Variants in NRXN2 observed in about 807,000 individuals in gnomAD.
NRXN2 encodes the protein neurexin-2-beta.
A neutral mutation model predicts 128.8 loss-of-function variants in NRXN2; 29 were observed. That is an observed-to-expected ratio of 0.23 (90% CI 0.17 to 0.31). The LOEUF (loss-of-function observed/expected upper bound fraction) is 0.31. Ranked by LOEUF, NRXN2 falls within the 10% of genes least tolerant of loss-of-function variation. The probability of loss-of-function intolerance (pLI) is 1.00; values close to 1 mark genes in which losing one functional copy is unlikely to be tolerated. For synonymous variants in NRXN2, 1,098 were observed against 1,075.2 expected, an observed-to-expected ratio of 1.02 and a Z score of -0.41; for missense variants, 1,881 against 2,452.6, an observed-to-expected ratio of 0.77 and a Z score of 4.92.
At chr11:64,664,059 T>A (rs1418411899) in intron 9 of NRXN2, among the ~76,000 whole-genome samples, 1 of 152,224 alleles carries the variant, frequency 6.6e-6, no homozygotes, top group Non-Finnish European at 1.5e-5. Flanking sequence ...AGGGAGTTAG[T>A]GTTTAATGGG....
chr11:64,610,347 G>A (rs571533409), intron 22 of NRXN2, among the ~76,000 whole-genome samples: 2 of 152,290 alleles, frequency 1.3e-5, no homozygotes, highest in Admixed American at 1.3e-4. Context: ...GGATAAGAAT[G>A]CTGAGGCCTG....
At chr11:64,698,812 T>C (rs1249005011) in intron 2 of NRXN2, among the ~76,000 whole-genome samples, 1 of 152,228 alleles carries the variant, frequency 6.6e-6, no homozygotes, top group Non-Finnish European at 1.5e-5. Flanking sequence ...CTCAAGCAGG[T>C]TGGGCTCTGA....
At chr11:64,693,662 T>C (rs1353851194) in intron 3 of NRXN2, among the ~76,000 whole-genome samples, 1 of 152,132 alleles carries the variant, frequency 6.6e-6, no homozygotes, top group Non-Finnish European at 1.5e-5. Context: ...GTAGGGACCC[T>C]GCACACCTGG....
Position 64,713,314 on chromosome 11 carries a change from T to C in NRXN2, c.386A>G (p.Asp129Gly), listed in dbSNP as rs2057127456. 2.2e-6 allele frequency: 3 copies of C among 1,362,050 alleles called. No individual in the cohort carries two copies. The highest frequency in any genetic ancestry group is 3.1e-5 in the East Asian group (1 of 31,944). 84.4% of individuals were successfully genotyped at this position (1,362,050 alleles called of 1,614,324 possible). ...RDARRTALAV[D>G]GEARAAEVRS... Reference sequence around the variant, plus strand: ...CACCTCGGCGGCGCGGGCCTCGCCGTCCACCGCCAGCGCCGTGCGGCGCGC... The same window carrying C: ...CACCTCGGCGGCGCGGGCCTCGCCGCCCACCGCCAGCGCCGTGCGGCGCGC... The change falls in exon 2 of 23, where the codon GAC (aspartate) becomes GGC (glycine). Residue 129 changes from aspartate to glycine, a missense_variant. Physicochemically the swap from Asp to Gly is moderately conservative, Grantham distance 94. Around this residue, in one of 7 missense-constraint regions of NRXN2, gnomAD observed 997 missense variants for 1,240.8 expected, o/e 0.80. Transcript: ENST00000265459.
intron 17 of NRXN2, among the ~76,000 whole-genome samples, chr11:64,642,069 G>T (rs757222955): frequency 6.6e-5 from 10 of 152,016 alleles, no homozygotes; most frequent in Non-Finnish European, 1.3e-4. Flanking sequence ...TGGGAGAGAG[G>T]TGAAGGGGGA....
chr11:64,660,970 G>A lies in NRXN2; in HGVS notation c.1968C>T (p.Gly656=). 1.9e-6 allele frequency: 3 copies of A among 1,613,890 alleles called. No individual in the cohort carries two copies. The highest frequency in any genetic ancestry group is 2.5e-6 in the Non-Finnish European group (3 of 1,180,004). ...CATCTATGAAGAGGTCCCGCACACA[G>A]CCCACGTAGCCTGCCCGGAGTGCTG... The part of the protein sequence containing the change: ...WTAALRAGYV[G]CVRDLFIDGR... Residue 656 remains glycine (G), a synonymous_variant, in exon 10 of 23, where the codon GGC becomes GGT. Coordinates refer to ENST00000265459, the MANE Select transcript of NRXN2 (RefSeq NM_015080.4). This position sits in a 1 kb window ranked among gnomAD's most constrained non-coding sequence, Gnocchi z 5.2.
intron 7 of NRXN2, among the ~76,000 whole-genome samples, chr11:64,669,853 T>G (rs2050389439): frequency 6.6e-6 from 1 of 152,154 alleles, no homozygotes; most frequent in Admixed American, 6.5e-5. Flanking sequence ...TGGCTCAGGG[T>G]TAGCCCAACA....
chr11:64,649,029 G>A, intron 15 of NRXN2, 122 bp from the exon 16 acceptor site: 1 of 999,790 alleles, frequency 1.0e-6, no homozygotes, highest in Non-Finnish European at 1.5e-6. Flanking sequence ...CAGATTCCAG[G>A]TCCCTAACAG....
chr11:64,720,830 A>G (rs948860821), intron 1 of NRXN2, among the ~76,000 whole-genome samples: 11 of 151,276 alleles, frequency 7.3e-5, no homozygotes, highest in African/African-American at 2.7e-4. Flanking sequence ...TAGACCTGGG[A>G]GGGATGGGGT....
intron 17 of NRXN2, among the ~76,000 whole-genome samples, chr11:64,644,175 G>A (rs576328675): frequency 6.6e-6 from 1 of 152,130 alleles, no homozygotes; most frequent in East Asian, 1.9e-4. Context: ...GGACATGAAT[G>A]GCCAACATAC....
At chr11:64,644,824 G>A (rs1167041275) in intron 17 of NRXN2, among the ~76,000 whole-genome samples, 1 of 152,066 alleles carries the variant, frequency 6.6e-6, no homozygotes. Flanking sequence ...GAGGCTGGGA[G>A]GGGCTGGAGA....
At chr11:64,712,900 G>A in intron 2 of NRXN2, 70 bp downstream of exon 2, 2 of 1,360,196 alleles carry the variant, frequency 1.5e-6, no homozygotes, top group Non-Finnish European at 9.9e-7. Context: ...CACACACTCC[G>A]ACCCCCACGA....
At chr11:64,705,181 C>T (rs2056098254) in intron 2 of NRXN2, among the ~76,000 whole-genome samples, 1 of 152,088 alleles carries the variant, frequency 6.6e-6, no homozygotes, top group Admixed American at 6.6e-5. Context: ...AACCTTGTCC[C>T]TAAATAGCCC....
At chr11:64,676,876 T>G (rs535680313) in intron 7 of NRXN2, 117 bp downstream of exon 7, 3 of 790,106 alleles carry the variant, frequency 3.8e-6, no homozygotes, top group African/African-American at 3.4e-5. Flanking sequence ...CAAAAAACAA[T>G]TGGAAGAGCA....
At chr11:64,642,711 T>C (rs1246576765) in intron 17 of NRXN2, 23 of 1,469,302 alleles carry the variant, frequency 1.6e-5, no homozygotes, top group Non-Finnish European at 2.0e-5. Context: ...GCAGCAGAGG[T>C]GGCGGCGGCG....
chr11:64,712,920 G>C, intron 2 of NRXN2, 50 bp downstream of exon 2: 1 of 1,465,052 alleles, frequency 6.8e-7, no homozygotes, highest in Non-Finnish European at 9.1e-7. Context: ...AAGCGCCCCA[G>C]GCCCTCACCC....
intron 5 of NRXN2, chr11:64,688,799 G>A (rs548491037): frequency 1.0e-6 from 1 of 985,214 alleles, no homozygotes; most frequent in Non-Finnish European, 1.2e-6. Flanking sequence ...ATGCATGAGG[G>A]ACAAAGCAGC....
chr11:64,721,838 G>A (rs1412160402), intron 1 of NRXN2, among the ~76,000 whole-genome samples: 1 of 152,030 alleles, frequency 6.6e-6, no homozygotes, highest in Non-Finnish European at 1.5e-5. Context: ...GGGCAGCCAA[G>A]GGACTGGGGA....
In NRXN2 at chr11:64,607,918, A is replaced by AGGGCGGGCGGCGCGCGGC; in HGVS notation, c.4399_4416dup (p.Ala1467_Pro1472dup). On this transcript the variant is annotated inframe_insertion, in exon 23 of 23. Transcript: ENST00000265459. The stretch of plus-strand genomic sequence containing the variant: ...CGCTCGGCCTGGCACGGGCCCCCAG[A>AGGGCGGGCGGCGCGCGGC]GGGCGGGCGGCGCGCGGCGGGCGGG... 6.6e-7 allele frequency: 1 copy of AGGGCGGGCGGCGCGCGGC among 1,506,838 alleles called. No homozygotes were observed. The highest frequency in any genetic ancestry group is 1.2e-5 in the South Asian group (1 of 83,838). 93.3% of individuals were successfully genotyped at this position (1,506,838 alleles called of 1,614,324 possible). A position where few individuals can be genotyped will look rare whatever the true frequency, so the allele number is the denominator to read the frequency against.
Sources: allele counts gnomAD v4.1 joint callset (sites outside exome capture counted in the v4.1 genomes callset), GRCh38; gene constraint gnomAD v4.1.1; regional missense constraint gnomAD v4.1.1; non-coding constraint Gnocchi (gnomAD v3.1); transcripts MANE v1.5; gene names NCBI Gene and HGNC (gene_info 2026-07-23, HGNC 2026-07-21).